The following FER variants were observed in gnomAD, a reference collection of about 807,000 sequenced individuals.
FER encodes the protein FER tyrosine kinase.
FER carries 63 observed loss-of-function variants against 111.0 expected under a neutral mutation model. That is an observed-to-expected ratio of 0.57 (90% CI 0.46 to 0.70). The LOEUF (loss-of-function observed/expected upper bound fraction) is 0.70, where lower values mean the gene tolerates loss of function less well. FER is among the 30% of genes least tolerant of loss of function. The pLI is 0.00. For missense variants in FER, 914 were observed against 954.0 expected (o/e 0.96, Z 0.55); for synonymous variants, 327 against 313.9 (o/e 1.04, Z -0.44).
chr5:108,887,717 C>T (rs541352922), intron 9 of FER, among the ~76,000 whole-genome samples: 8 of 151,756 alleles, frequency 5.3e-5, no homozygotes, highest in African/African-American at 1.9e-4. Flanking sequence ...GAATATCAGT[C>T]TAGTATATAT....
intron 9 of FER, among the ~76,000 whole-genome samples, chr5:108,887,956 C>A (rs962421993): frequency 1.3e-5 from 2 of 151,702 alleles, no homozygotes; most frequent in Non-Finnish European, 2.9e-5. Flanking sequence ...ATTGTCTTAA[C>A]CTGTTTTATA....
chr5:109,185,327 T>C (rs972927932), intron 18 of FER, among the ~76,000 whole-genome samples: 7 of 152,192 alleles, frequency 4.6e-5, no homozygotes, highest in Admixed American at 1.3e-4. Context: ...TTCCACTGTT[T>C]AAAACACACA....
intron 1 of FER, among the ~76,000 whole-genome samples, chr5:108,764,254 A>C (rs1476031559): frequency 8.5e-5 from 13 of 152,196 alleles, no homozygotes; most frequent in Non-Finnish European, 1.8e-4. Context: ...TTACATGCAC[A>C]TGCAACTCAC....
intron 2 of FER, among the ~76,000 whole-genome samples, chr5:108,783,898 G>C (rs1432310365): frequency 6.6e-6 from 1 of 152,154 alleles, no homozygotes; most frequent in Non-Finnish European, 1.5e-5. Flanking sequence ...AGAACAAGAG[G>C]CTTCCTGAGA....
At chr5:109,008,844 C>G (rs186366384) in intron 13 of FER, among the ~76,000 whole-genome samples, 1 of 151,940 alleles carries the variant, frequency 6.6e-6, no homozygotes, top group Non-Finnish European at 1.5e-5. Context: ...GTGGCGCATG[C>G]CTGTAATCCC....
chr5:108,880,429 T>A (rs1400733352), intron 8 of FER, among the ~76,000 whole-genome samples: 2 of 152,144 alleles, frequency 1.3e-5, no homozygotes, highest in African/African-American at 2.4e-5. Context: ...GGCTCTGTGT[T>A]CTAAACTTTC....
intron 2 of FER, among the ~76,000 whole-genome samples, chr5:108,772,778 C>T (rs568727495): frequency 2.6e-5 from 4 of 152,304 alleles, no homozygotes; most frequent in East Asian, 1.9e-4. Context: ...AGGCGTTCCT[C>T]CTCCACCCTC....
chr5:109,136,197 G>A (rs1752876274), intron 17 of FER, among the ~76,000 whole-genome samples: 3 of 152,074 alleles, frequency 2.0e-5, no homozygotes, highest in African/African-American at 7.2e-5. Context: ...GGAGGCTGAG[G>A]TGGGAGAATC....
chr5:108,992,688 ACCTC>A (rs1227761052), intron 13 of FER, among the ~76,000 whole-genome samples: 5 of 142,622 alleles, frequency 3.5e-5, no homozygotes, highest in South Asian at 2.2e-4. Flanking sequence ...GCTGACCCCC[ACCTC>A]CCTCCCGGAT....
At chr5:108,825,203 T>G in intron 3 of FER, among the ~76,000 whole-genome samples, 1 of 152,048 alleles carries the variant, frequency 6.6e-6, no homozygotes. Context: ...TGACCAAAAT[T>G]TATTAGGTGG....
chr5:108,838,758 TTAAAATAATACACCTTAAACATTC>T (rs1488488248), intron 5 of FER, among the ~76,000 whole-genome samples: 17 of 152,226 alleles, frequency 1.1e-4, no homozygotes, highest in African/African-American at 3.6e-4. Context: ...TAAATGCACC[TTAAAATAATACACCTTAAACATTC>T]TAAAATAATA....
intron 16 of FER, among the ~76,000 whole-genome samples, chr5:109,084,422 G>A (rs943219883): frequency 2.0e-5 from 3 of 151,866 alleles, no homozygotes; most frequent in African/African-American, 7.3e-5. Flanking sequence ...CAGTGTGAAT[G>A]TACCTAACAC....
At chr5:109,027,096 AT>A (rs200059208) in intron 13 of FER, among the ~76,000 whole-genome samples, 1 of 151,588 alleles carries the variant, frequency 6.6e-6, no homozygotes, top group Non-Finnish European at 1.5e-5. Context: ...GTGAGATAAT[AT>A]TTTTTTTTAA....
chr5:108,823,318 T>A (rs184930092), intron 3 of FER, among the ~76,000 whole-genome samples: 2 of 152,368 alleles, frequency 1.3e-5, no homozygotes, highest in East Asian at 3.9e-4. Flanking sequence ...GCTTGTTAGA[T>A]CATATAACAG....
intron 16 of FER, among the ~76,000 whole-genome samples, chr5:109,052,648 G>A (rs10057719): frequency 0.26 from 39,250 of 152,138 alleles, 5,694 homozygotes; most frequent in African/African-American, 0.39. Context: ...CTGATACCTC[G>A]TAAAAGCTGC....
At chr5:108,878,228 A>G (rs2150267472) in intron 8 of FER, among the ~76,000 whole-genome samples, 1 of 152,306 alleles carries the variant, frequency 6.6e-6, no homozygotes, top group Non-Finnish European at 1.5e-5. Context: ...GTTTAATACA[A>G]TTAAATCTTT....
intron 13 of FER, among the ~76,000 whole-genome samples, chr5:109,007,016 G>T (rs952456834): frequency 6.6e-6 from 1 of 152,074 alleles, no homozygotes; most frequent in Admixed American, 6.6e-5. Context: ...TTTATATTCT[G>T]ATGTTGTTCA....
At position 109,060,407 on chromosome 5, in the gene FER, C is replaced by T. The variant is rs180778862; in HGVS notation, c.1924+13209C>T. On this transcript the variant is annotated intron_variant, in intron 16 of 19. Transcript: ENST00000281092. ...CTTACTCAACTTACTTTTAACCTCT[C>T]TGTGCCTTAGTTTCCTTATCTGTAA... Among the ~76,000 whole-genome samples the T allele has an allele frequency of 3.9e-5, 6 of 152,166 alleles. No individual in the cohort carries two copies. In the East Asian group the frequency reaches 1.2e-3, roughly 29 times the overall value.
chr5:108,921,611 C>G (rs1350259044), intron 10 of FER, among the ~76,000 whole-genome samples: 2 of 152,078 alleles, frequency 1.3e-5, no homozygotes, highest in Non-Finnish European at 1.5e-5. Flanking sequence ...GAAATCATAC[C>G]TGACCGATTA....
Sources: gnomAD v4.1 joint callset for allele counts (sites outside exome capture counted in the v4.1 genomes callset) on GRCh38, gnomAD v4.1.1 for gene constraint, MANE v1.5 for transcripts, NCBI Gene and HGNC (gene_info 2026-07-23, HGNC 2026-07-21) for gene names.